Variants in RABGAP1L observed in about 807,000 individuals in gnomAD.
RABGAP1L encodes rab GTPase-activating protein 1-like.
A neutral mutation model predicts 137.7 loss-of-function variants in RABGAP1L; 63 were observed. The observed-to-expected ratio is 0.46, with a 90% CI of 0.37 to 0.56. The LOEUF (loss-of-function observed/expected upper bound fraction) is 0.56, where lower values mean the gene tolerates loss of function less well. RABGAP1L is among the 20% of genes least tolerant of loss of function. The pLI is 0.00. For synonymous variants in RABGAP1L, 431 were observed against 433.7 expected (o/e 0.99, Z 0.08); for missense variants, 1,095 against 1,244.0 (o/e 0.88, Z 1.80).
At chr1:174,746,380 A>G (rs555115898) in intron 17 of RABGAP1L, among the ~76,000 whole-genome samples, 16 of 152,320 alleles carry the variant, frequency 1.1e-4, no homozygotes, top group Non-Finnish European at 1.5e-4. Flanking sequence ...GCTGATCTCA[A>G]TCTGTTGTCA....
chr1:174,827,842 G>A lies in RABGAP1L; in HGVS notation c.2340+15882G>A. ...TTTCTTATAATCCTGCTTTTATATT[G>A]TATCCTATGTTATGCAGACCATAAC... On this transcript the variant is annotated intron_variant, in intron 19 of 25. Coordinates refer to ENST00000681986, the MANE Select transcript of RABGAP1L (RefSeq NM_001366446.1). Among the ~76,000 whole-genome samples, 2 of 147,638 alleles carry A rather than the reference G, an allele frequency of 1.4e-5. 1 individual carries two copies. Among genetic ancestry groups the A allele is most frequent in the Non-Finnish European group, 3.0e-5 (2 of 66,516 alleles).
intron 15 of RABGAP1L, among the ~76,000 whole-genome samples, chr1:174,691,570 T>C (rs1245448954): frequency 6.6e-6 from 1 of 152,226 alleles, no homozygotes; most frequent in Non-Finnish European, 1.5e-5. Context: ...TATCTTAAAT[T>C]ATAATATTTT....
chr1:174,448,636 T>C lies in RABGAP1L; in HGVS notation c.1710+54491T>C. On this transcript the variant is annotated intron_variant, in intron 13 of 25. Coordinates refer to ENST00000681986, the MANE Select transcript of RABGAP1L (RefSeq NM_001366446.1). This position sits in a 1 kb window ranked among gnomAD's most constrained non-coding sequence, Gnocchi z 4.2. Reference sequence around the variant, plus strand: ...TCTACTCCTGCCTAATTTTCTTGCCTTCCTTTTTTGGCTGGGGGAAACCTG... The same window carrying C: ...TCTACTCCTGCCTAATTTTCTTGCCCTCCTTTTTTGGCTGGGGGAAACCTG... The C allele has an allele frequency of 1.9e-6, 3 of 1,613,964 alleles. No individual in the cohort carries two copies. The highest frequency in any genetic ancestry group is 2.5e-6 in the Non-Finnish European group (3 of 1,179,832).
intron 13 of RABGAP1L, among the ~76,000 whole-genome samples, chr1:174,438,360 G>A (rs1480698096): frequency 6.6e-6 from 1 of 152,062 alleles, no homozygotes; most frequent in Non-Finnish European, 1.5e-5. Context: ...AATTGCAATA[G>A]CAATGAATCT....
intron 13 of RABGAP1L, among the ~76,000 whole-genome samples, chr1:174,560,163 G>T (rs1215472694): frequency 2.0e-5 from 3 of 151,636 alleles, no homozygotes; most frequent in African/African-American, 7.3e-5. Context: ...TTCCTTTTAT[G>T]AAAGCTGTAT....
rs927426260 is a variant in RABGAP1L at position 174,613,502 on chromosome 1, G to A, written c.1711-23873G>A. Among the ~76,000 whole-genome samples, 5 of 152,156 alleles carry A rather than the reference G, an allele frequency of 3.3e-5. No individual in the cohort carries two copies. In the East Asian group the frequency reaches 7.7e-4, roughly 23 times the overall value. ...CTATGTGGTCAATTTTGGAATAGGT[G>A]TGGTTTGGTGCTGAAAAGAATGTAT... On this transcript the variant is annotated intron_variant, in intron 13 of 25. Coordinates refer to ENST00000681986, the MANE Select transcript of RABGAP1L (RefSeq NM_001366446.1).
intron 12 of RABGAP1L, among the ~76,000 whole-genome samples, chr1:174,380,300 T>G (rs1164870430): frequency 4.6e-5 from 7 of 152,062 alleles, no homozygotes; most frequent in Non-Finnish European, 1.0e-4. Context: ...ATGCTGGCCT[T>G]ATAAAATGAG....
chr1:174,247,330 C>T (rs1052707074), intron 5 of RABGAP1L, among the ~76,000 whole-genome samples: 12 of 152,184 alleles, frequency 7.9e-5, no homozygotes, highest in African/African-American at 1.2e-4. Context: ...CGCTTAAGTC[C>T]GGGAGTAGCC....
chr1:174,254,985 T>C (rs1406185659), intron 7 of RABGAP1L, among the ~76,000 whole-genome samples: 1 of 152,142 alleles, frequency 6.6e-6, no homozygotes, highest in Non-Finnish European at 1.5e-5. Context: ...TTCTCCACAT[T>C]CTCTCCAGCA....
At chr1:174,469,054 G>A (rs1014573249) in intron 13 of RABGAP1L, among the ~76,000 whole-genome samples, 6 of 152,190 alleles carry the variant, frequency 3.9e-5, no homozygotes, top group Non-Finnish European at 5.9e-5. Flanking sequence ...AGAACAGAAC[G>A]TTTATATTTG....
intron 19 of RABGAP1L, among the ~76,000 whole-genome samples, chr1:174,924,505 TG>T (rs1245600520): frequency 2.6e-5 from 4 of 152,110 alleles, no homozygotes; most frequent in Non-Finnish European, 5.9e-5. Flanking sequence ...ATGGCATTTA[TG>T]GAGAACTCTA....
intron 18 of RABGAP1L, chr1:174,800,187 G>A: frequency 1.4e-6 from 2 of 1,395,212 alleles, no homozygotes; most frequent in East Asian, 2.7e-5. Context: ...TGTTTTTCTT[G>A]TGGAGACATT....
intron 17 of RABGAP1L, among the ~76,000 whole-genome samples, chr1:174,737,990 C>T (rs1327184228): frequency 6.6e-6 from 1 of 152,154 alleles, no homozygotes; most frequent in East Asian, 1.9e-4. Context: ...GATCCAGACA[C>T]CTCCCACCAG....
rs546236539 is a variant in RABGAP1L at position 174,238,853 on chromosome 1, G to A, written c.543-2630G>A. On this transcript the variant is annotated intron_variant, in intron 4 of 25. Transcript: ENST00000681986. ...TAAGCAAGCCTGGGCAATGGCGGGCGCCCCTCCCCCAGCCTTGCTGCCGCC... is the reference window on the plus strand; with the variant it reads ...TAAGCAAGCCTGGGCAATGGCGGGCACCCCTCCCCCAGCCTTGCTGCCGCC... 4.1e-3 allele frequency: 625 copies of A among 153,444 alleles called. 1 individual carries two copies. Among genetic ancestry groups the A allele is most frequent in the Admixed American group, 7.7e-3 (116 of 15,036 alleles). The allele number at this position is 153,444 out of a possible 1,614,324, so 9.5% of individuals were successfully genotyped here. A position where few individuals can be genotyped will look rare whatever the true frequency, so the allele number is the denominator to read the frequency against.
intron 13 of RABGAP1L, among the ~76,000 whole-genome samples, chr1:174,618,753 G>A (rs765623621): frequency 1.1e-4 from 17 of 152,128 alleles, no homozygotes; most frequent in Admixed American, 5.2e-4. Context: ...CTCCAAAAAC[G>A]CAGCTCCTCA....
At chr1:174,468,715 T>TTC (rs76764427) in intron 13 of RABGAP1L, among the ~76,000 whole-genome samples, 13,668 of 150,766 alleles carry the variant, frequency 0.091, 817 homozygotes, top group East Asian at 0.22. Context: ...ATCTACCTCT[T>TTC]TCTCTCTCTC....
rs1358253119 is a variant in RABGAP1L at position 174,993,444 on chromosome 1, C to T, written c.*3443C>T. ...ATTAATATTTATTTTTCTCCAACCC[C>T]TGCTCCATTTTCTTAAAATATTTTC... On this transcript the variant is annotated 3_prime_UTR_variant, in exon 26 of 26. Coordinates refer to ENST00000681986, the MANE Select transcript of RABGAP1L (RefSeq NM_001366446.1). The T allele has an allele frequency of 6.6e-6, 1 of 152,180 alleles. No homozygotes were observed. The highest frequency in any genetic ancestry group is 1.5e-5 in the Non-Finnish European group (1 of 68,042). The allele number at this position is 152,180 out of a possible 1,614,324, so 9.4% of individuals were successfully genotyped here. A position where few individuals can be genotyped will look rare whatever the true frequency, so the allele number is the denominator to read the frequency against.
chr1:174,287,365 A>G (rs1229938787), intron 10 of RABGAP1L, among the ~76,000 whole-genome samples: 1 of 152,166 alleles, frequency 6.6e-6, no homozygotes, highest in Non-Finnish European at 1.5e-5. Context: ...TCTTTTGGTT[A>G]ACATTTGCAT....
intron 13 of RABGAP1L, among the ~76,000 whole-genome samples, chr1:174,406,255 G>A (rs998637939): frequency 3.3e-5 from 5 of 152,028 alleles, no homozygotes; most frequent in Admixed American, 1.3e-4. Flanking sequence ...CTCCAACACT[G>A]TGTATAAAAT....
Sources: gnomAD v4.1 joint callset for allele counts (sites outside exome capture counted in the v4.1 genomes callset) on GRCh38, gnomAD v4.1.1 for gene constraint, Gnocchi (gnomAD v3.1) non-coding constraint, MANE v1.5 for transcripts, NCBI Gene and HGNC (gene_info 2026-07-23, HGNC 2026-07-21) for gene names.